CYRIB: variants seen among roughly 807,000 people sequenced by gnomAD.
CYRIB encodes CYFIP-related Rac1 interactor B.
In CYRIB, 8 loss-of-function variants were observed where a neutral mutation model predicts 44.2. That is an observed-to-expected ratio of 0.18 (90% CI 0.11 to 0.33). The LOEUF is 0.33. Among genes scored for constraint, CYRIB ranks in the 10% least tolerant of loss-of-function variants. CYRIB has a pLI of 1.00. For missense variants in CYRIB, 185 were observed against 382.8 expected (o/e 0.48, Z 4.31); for synonymous variants, 131 against 127.2 (o/e 1.03, Z -0.20).
At position 129,982,891 on chromosome 8, in the gene CYRIB, C is replaced by G. The variant is rs546519817; in HGVS notation, c.-295-11896G>C. Among the ~76,000 whole-genome samples the G allele has an allele frequency of 8.0e-4, 122 of 152,040 alleles. 1 individual carries two copies. The highest frequency in any genetic ancestry group is 2.7e-3 in the African/African-American group (110 of 41,456). On this transcript the variant is annotated intron_variant, in intron 1 of 14. Coordinates refer to the CYRIB transcript ENST00000401979. ...GCAGCTGGCTGTCACCAAGCCACTA[C>G]AGAAGGTACTGCAGCCAACACAGTC...
intron 2 of CYRIB, among the ~76,000 whole-genome samples, chr8:129,882,545 A>G (rs1289315964): frequency 6.6e-6 from 1 of 152,240 alleles, no homozygotes. Flanking sequence ...AATGAAGCCC[A>G]TATTTATCAA....
At chr8:129,847,749 C>A (rs574343944) in intron 10 of CYRIB, among the ~76,000 whole-genome samples, 17 of 152,286 alleles carry the variant, frequency 1.1e-4, no homozygotes, top group African/African-American at 4.1e-4. Flanking sequence ...CATAATACAG[C>A]AGAAAGAACA....
intron 8 of CYRIB, 111 bp downstream of exon 10, chr8:129,852,051 T>C (rs2043551492): frequency 3.5e-6 from 2 of 572,776 alleles, no homozygotes; most frequent in Non-Finnish European, 5.9e-6. Context: ...CACATACATC[T>C]GGGAGTCTGT....
At chr8:129,879,547 T>C (rs2060187431) in intron 2 of CYRIB, 76 bp from the exon 5 acceptor site, 8 of 1,073,892 alleles carry the variant, frequency 7.4e-6, no homozygotes, top group South Asian at 7.0e-5. Context: ...TAAAGAAAAA[T>C]AGTAACAGGG....
chr8:129,967,177 TG>T (rs1405166694), intron 2 of CYRIB, among the ~76,000 whole-genome samples: 1 of 152,084 alleles, frequency 6.6e-6, no homozygotes, highest in African/African-American at 2.4e-5. Context: ...GTTCTGAAGG[TG>T]GCTATACTGA....
chr8:129,978,035 A>G (rs888775006), intron 1 of CYRIB, among the ~76,000 whole-genome samples: 79 of 152,198 alleles, frequency 5.2e-4, no homozygotes, highest in Non-Finnish European at 7.4e-4. Context: ...TAAGCTCCCG[A>G]GTAGCTGGGG....
intron 4 of CYRIB, among the ~76,000 whole-genome samples, chr8:129,865,766 G>C (rs998585280): frequency 1.3e-5 from 2 of 152,168 alleles, no homozygotes; most frequent in African/African-American, 4.8e-5. Flanking sequence ...TTGTGAAACT[G>C]AATGTTATAT....
chr8:129,897,000 T>C (rs1299523607), intron 2 of CYRIB: 1 of 152,238 alleles, frequency 6.6e-6, no homozygotes, highest in Non-Finnish European at 1.5e-5. Flanking sequence ...TAAGGTATTC[T>C]CTGAAGTTAA....
intron 9 of CYRIB, 40 bp from the exon 12 acceptor site, chr8:129,849,409 C>T: frequency 6.4e-7 from 1 of 1,561,448 alleles, no homozygotes; most frequent in Non-Finnish European, 8.6e-7. Context: ...AAGTGCATTA[C>T]AAAATTCTTT....
At chr8:129,880,620 T>G (rs1178160890) in intron 2 of CYRIB, among the ~76,000 whole-genome samples, 1 of 152,072 alleles carries the variant, frequency 6.6e-6, no homozygotes, top group Non-Finnish European at 1.5e-5. Context: ...TGGCTCTGAG[T>G]TTATAGCTCC....
intron 4 of CYRIB, among the ~76,000 whole-genome samples, chr8:129,863,375 A>T (rs1275970799): frequency 6.6e-6 from 1 of 152,066 alleles, no homozygotes; most frequent in Non-Finnish European, 1.5e-5. Context: ...AAATACAAAA[A>T]TTAGTCAGGT....
intron 2 of CYRIB, among the ~76,000 whole-genome samples, chr8:129,947,181 C>G (rs1037454118): frequency 6.6e-6 from 1 of 152,220 alleles, no homozygotes; most frequent in South Asian, 2.1e-4. Flanking sequence ...CCTCAGCCTC[C>G]CAAGTGGCTG....
chr8:129,970,648 A>T (rs2095657127), intron 2 of CYRIB: 1 of 152,054 alleles, frequency 6.6e-6, no homozygotes, highest in African/African-American at 2.4e-5. Context: ...CAGCCTCCCA[A>T]AGTGTTGGGA....
intron 11 of CYRIB, among the ~76,000 whole-genome samples, chr8:129,845,095 G>A (rs991419937): frequency 2.0e-5 from 3 of 152,070 alleles, no homozygotes; most frequent in Non-Finnish European, 1.5e-5. Context: ...TACTTTGTGG[G>A]AGACTTCAAC....
At chr8:129,954,627 T>C (rs1316139099) in intron 2 of CYRIB, among the ~76,000 whole-genome samples, 1 of 152,200 alleles carries the variant, frequency 6.6e-6, no homozygotes, top group African/African-American at 2.4e-5. Flanking sequence ...GGAATTCACC[T>C]TCAATCTAAT....
chr8:129,935,681 C>A (rs772254520), intron 1 of CYRIB, among the ~76,000 whole-genome samples: 1 of 152,064 alleles, frequency 6.6e-6, no homozygotes, highest in Non-Finnish European at 1.5e-5. Context: ...TAAAATATAC[C>A]AAGAAGAGAT....
At chr8:129,932,144 G>A (rs2091677790) in intron 1 of CYRIB, among the ~76,000 whole-genome samples, 1 of 151,792 alleles carries the variant, frequency 6.6e-6, no homozygotes, top group South Asian at 2.1e-4. Context: ...GATTACAGGT[G>A]CTCACCACTT....
intron 1 of CYRIB, among the ~76,000 whole-genome samples, chr8:129,977,601 G>A (rs1215307794): frequency 6.7e-6 from 1 of 150,338 alleles, no homozygotes; most frequent in South Asian, 2.1e-4. Flanking sequence ...GAGCGATCTC[G>A]GCTCACTGCA....
intron 2 of CYRIB, among the ~76,000 whole-genome samples, chr8:129,884,565 G>C (rs2062006318): frequency 6.6e-6 from 1 of 152,196 alleles, no homozygotes; most frequent in Admixed American, 6.5e-5. Context: ...TAGGATTACA[G>C]GCGTGAGCCA....
Sources: allele counts gnomAD v4.1 joint callset (sites outside exome capture counted in the v4.1 genomes callset), GRCh38; gene constraint gnomAD v4.1.1; transcripts MANE v1.5; gene names NCBI Gene and HGNC (gene_info 2026-07-23, HGNC 2026-07-21).